Variants in CPNE4 observed in about 807,000 individuals in gnomAD.
CPNE4 encodes copine 4.
A neutral mutation model predicts 67.9 loss-of-function variants in CPNE4; 25 were observed. The ratio of observed to expected loss-of-function variants is 0.37; its 90% CI spans 0.27 to 0.51. CPNE4 has a LOEUF of 0.51. Ranked by LOEUF, CPNE4 falls within the 20% of genes least tolerant of loss-of-function variation. The probability of loss-of-function intolerance (pLI) is 0.93; values close to 1 mark genes in which losing one functional copy is unlikely to be tolerated. For synonymous variants in CPNE4, 242 were observed against 244.9 expected, an observed-to-expected ratio of 0.99 and a Z score of 0.11; for missense variants, 464 against 690.8, an observed-to-expected ratio of 0.67 and a Z score of 3.68.
At chr3:131,552,371 A>G (rs1936230686) in intron 13 of CPNE4, 69 bp downstream of exon 13, 7 of 1,309,838 alleles carry the variant, frequency 5.3e-6, no homozygotes. Context: ...ACCAGCAGAG[A>G]TGAACTAAAA....
rs77499490 is a variant in CPNE4 at position 131,600,054 on chromosome 3, C to A, written c.682-12472G>T. 2.5e-3 allele frequency among the ~76,000 whole-genome samples: 380 copies of A among 152,170 alleles called. 3 individuals are homozygous for A. The highest frequency in any genetic ancestry group is 7.7e-3 in the African/African-American group (319 of 41,524). On this transcript the variant is annotated intron_variant, in intron 7 of 15. Coordinates refer to ENST00000429747, the MANE Select transcript of CPNE4 (RefSeq NM_130808.3). Reference sequence around the variant, plus strand: ...ATATCTCTATGCAGTTGGGTTGTTTCTTGGGGGCTGAGGGTGAAAGGATGG... The same window carrying A: ...ATATCTCTATGCAGTTGGGTTGTTTATTGGGGGCTGAGGGTGAAAGGATGG...
chr3:131,604,952 GCTGCTAATACAGA>G (rs1004320061), intron 7 of CPNE4, among the ~76,000 whole-genome samples: 13 of 152,190 alleles, frequency 8.5e-5, no homozygotes, highest in African/African-American at 2.9e-4. Context: ...TAACCTATTT[GCTGCTAATACAGA>G]CTGCGTTTAA....
chr3:131,801,749 A>G (rs1020250182), intron 2 of CPNE4, among the ~76,000 whole-genome samples: 16 of 151,238 alleles, frequency 1.1e-4, no homozygotes, highest in Non-Finnish European at 2.4e-4. Context: ...AGTGTACTCA[A>G]GTAGTATTTT....
intron 7 of CPNE4, among the ~76,000 whole-genome samples, chr3:131,650,613 T>C (rs1423501328): frequency 5.0e-4 from 75 of 149,492 alleles, no homozygotes; most frequent in African/African-American, 1.0e-3. Flanking sequence ...GGCGTGGTGG[T>C]GGGCGCCTGT....
intron 3 of CPNE4, among the ~76,000 whole-genome samples, chr3:131,710,031 CT>C (rs1299055883): frequency 6.6e-6 from 1 of 152,182 alleles, no homozygotes; most frequent in East Asian, 1.9e-4. Flanking sequence ...TGAGGCAGGG[CT>C]TTGCCTCCTT....
At chr3:131,744,763 G>T (rs1427351379) in intron 2 of CPNE4, among the ~76,000 whole-genome samples, 1 of 152,166 alleles carries the variant, frequency 6.6e-6, no homozygotes, top group African/African-American at 2.4e-5. Context: ...GTGTGTATCA[G>T]TAATTTGTTC....
At chr3:131,663,378 AGAT>A (rs2080176760) in intron 7 of CPNE4, among the ~76,000 whole-genome samples, 1 of 152,140 alleles carries the variant, frequency 6.6e-6, no homozygotes, top group Non-Finnish European at 1.5e-5. Context: ...CTGAAAACCC[AGAT>A]GATGGGTTGA....
intron 6 of CPNE4, among the ~76,000 whole-genome samples, chr3:131,683,324 G>A (rs959181540): frequency 1.3e-5 from 2 of 152,082 alleles, no homozygotes; most frequent in Non-Finnish European, 2.9e-5. Context: ...TGATTATTTG[G>A]GGACCAAGAG....
At chr3:131,704,000 A>G (rs2081361917) in intron 3 of CPNE4, among the ~76,000 whole-genome samples, 1 of 152,230 alleles carries the variant, frequency 6.6e-6, no homozygotes, top group Non-Finnish European at 1.5e-5. Context: ...TTTCAACTAC[A>G]GGACTTCAAC....
chr3:132,007,199 T>C (rs2073632195), intron 1 of CPNE4, among the ~76,000 whole-genome samples: 1 of 152,186 alleles, frequency 6.6e-6, no homozygotes, highest in Non-Finnish European at 1.5e-5. Context: ...CTTACAGAGT[T>C]CATGACTTGA....
chr3:131,815,788 T>G (rs914485420), intron 2 of CPNE4, among the ~76,000 whole-genome samples: 3 of 152,216 alleles, frequency 2.0e-5, no homozygotes, highest in African/African-American at 7.2e-5. Context: ...AACAAGGGGT[T>G]GCGATCAGGA....
At chr3:131,637,287 A>G (rs2079414827) in intron 7 of CPNE4, among the ~76,000 whole-genome samples, 1 of 152,250 alleles carries the variant, frequency 6.6e-6, no homozygotes, top group Non-Finnish European at 1.5e-5. Context: ...AAGAAATAAA[A>G]AACATGATAC....
intron 2 of CPNE4, among the ~76,000 whole-genome samples, chr3:131,749,635 T>C (rs2082575514): frequency 6.6e-6 from 1 of 152,168 alleles, no homozygotes; most frequent in African/African-American, 2.4e-5. Flanking sequence ...GAAACTGTTG[T>C]TTCATGTATA....
At chr3:131,784,617 A>C (rs2083508850) in intron 2 of CPNE4, among the ~76,000 whole-genome samples, 1 of 152,128 alleles carries the variant, frequency 6.6e-6, no homozygotes, top group African/African-American at 2.4e-5. Flanking sequence ...TCTGAGGTGC[A>C]TTCTACATAG....
At chr3:131,728,337 A>C (rs536379937) in intron 2 of CPNE4, among the ~76,000 whole-genome samples, 13 of 152,300 alleles carry the variant, frequency 8.5e-5, no homozygotes, top group African/African-American at 3.1e-4. Flanking sequence ...AACTTTTCCG[A>C]TTTTACACAA....
chr3:131,974,674 T>C (rs2072598114), intron 1 of CPNE4, among the ~76,000 whole-genome samples: 1 of 152,124 alleles, frequency 6.6e-6, no homozygotes, highest in Non-Finnish European at 1.5e-5. Context: ...ATCTGCCCAT[T>C]GTTTCTCTTG....
intron 7 of CPNE4, among the ~76,000 whole-genome samples, chr3:131,640,346 G>A (rs2079508740): frequency 6.6e-6 from 1 of 152,068 alleles, no homozygotes; most frequent in South Asian, 2.1e-4. Context: ...CAAATCAGTA[G>A]CTCTGCTATA....
At chr3:131,765,191 A>T (rs1044723547) in intron 2 of CPNE4, among the ~76,000 whole-genome samples, 2 of 152,140 alleles carry the variant, frequency 1.3e-5, no homozygotes, top group African/African-American at 4.8e-5. Flanking sequence ...GGAACTCATA[A>T]GCATTAGTGG....
chr3:131,662,426 CATACACATATACAT>C (rs1487301325), intron 7 of CPNE4, among the ~76,000 whole-genome samples: 1 of 152,166 alleles, frequency 6.6e-6, no homozygotes, highest in African/African-American at 2.4e-5. Flanking sequence ...TATCCATACA[CATACACATATACAT>C]ATACACTCAG....
Sources: allele counts gnomAD v4.1 joint callset (sites outside exome capture counted in the v4.1 genomes callset), GRCh38; gene constraint gnomAD v4.1.1; transcripts MANE v1.5; gene names NCBI Gene and HGNC (gene_info 2026-07-23, HGNC 2026-07-21).